The following KAZN variants were observed in gnomAD, a reference collection of about 807,000 sequenced individuals.
KAZN encodes the protein kazrin.
A neutral mutation model predicts 87.4 loss-of-function variants in KAZN; 40 were observed. The ratio of observed to expected loss-of-function variants is 0.46; its 90% CI spans 0.36 to 0.60. KAZN has a LOEUF of 0.60. KAZN is among the 20% of genes least tolerant of loss of function. The pLI is 0.00. For synonymous variants in KAZN, 466 were observed against 458.3 expected (o/e 1.02, Z -0.22); for missense variants, 898 against 1,073.9 (o/e 0.84, Z 2.29).
chr1:14,034,955 C>A (rs76694756), intron 1 of KAZN, among the ~76,000 whole-genome samples: 1 of 152,102 alleles, frequency 6.6e-6, no homozygotes, highest in Admixed American at 6.5e-5. Context: ...GAAGATTCTG[C>A]GCTCCCAGCC....
chr1:14,577,850 C>A (rs1253626783), intron 2 of KAZN, among the ~76,000 whole-genome samples: 1 of 152,154 alleles, frequency 6.6e-6, no homozygotes, highest in African/African-American at 2.4e-5. Context: ...ATGCCCATTT[C>A]ACAGATGAGA....
intron 12 of KAZN, among the ~76,000 whole-genome samples, chr1:15,103,677 A>C (rs965098243): frequency 8.6e-5 from 13 of 151,366 alleles, no homozygotes; most frequent in Admixed American, 2.6e-4. Context: ...ATTCAGGAGG[A>C]GGGAACTGCT....
chr1:15,102,081 C>A (rs1003591801), intron 11 of KAZN, among the ~76,000 whole-genome samples: 1 of 152,152 alleles, frequency 6.6e-6, no homozygotes, highest in African/African-American at 2.4e-5. Flanking sequence ...CCTTGGAGAG[C>A]TAAGTGCTTA....
intron 2 of KAZN, among the ~76,000 whole-genome samples, chr1:14,540,266 G>C (rs1335201751): frequency 2.0e-5 from 3 of 152,226 alleles, no homozygotes; most frequent in Non-Finnish European, 4.4e-5. Flanking sequence ...AAATGCCAGA[G>C]TGGTCACTTA....
At chr1:14,779,341 C>G (rs955843957) in intron 1 of KAZN, among the ~76,000 whole-genome samples, 3 of 152,184 alleles carry the variant, frequency 2.0e-5, no homozygotes, top group Non-Finnish European at 4.4e-5. Flanking sequence ...GTGGGCCCCC[C>G]GGCTTCCCTC....
At chr1:15,005,205 G>GAA (rs200736531) in intron 2 of KAZN, among the ~76,000 whole-genome samples, 40 of 150,106 alleles carry the variant, frequency 2.7e-4, no homozygotes, top group Non-Finnish European at 4.3e-4. Flanking sequence ...GTTTTATTTG[G>GAA]AAAAAAAAAC....
At chr1:14,853,974 T>C (rs751196583) in intron 1 of KAZN, among the ~76,000 whole-genome samples, 1 of 152,084 alleles carries the variant, frequency 6.6e-6, no homozygotes, top group African/African-American at 2.4e-5. Flanking sequence ...TTGGCCTGGA[T>C]TTGAATCCCA....
intron 2 of KAZN, among the ~76,000 whole-genome samples, chr1:14,226,583 C>T (rs780602667): frequency 2.0e-5 from 3 of 152,076 alleles, no homozygotes; most frequent in Non-Finnish European, 4.4e-5. Context: ...GTCATTCTAC[C>T]ATAAAGACAC....
chr1:14,162,868 T>C lies in KAZN; in HGVS notation c.92-17567T>C, dbSNP rs1268656032. Among the ~76,000 whole-genome samples the C allele has an allele frequency of 2.6e-5, 4 of 152,320 alleles. No individual in the cohort carries two copies. The East Asian group carries it at 5.8e-4, about 22-fold the overall frequency. Reference sequence around the variant, plus strand: ...CGGCTTTATCTTTATACAGTGTTTTTCCAAGAAAGCTCTGAATCTACTTTT... The same window carrying C: ...CGGCTTTATCTTTATACAGTGTTTTCCCAAGAAAGCTCTGAATCTACTTTT... On this transcript the variant is annotated intron_variant, in intron 1 of 16. Transcript: ENST00000636203.
chr1:14,164,202 G>C (rs963611987), intron 1 of KAZN, among the ~76,000 whole-genome samples: 11 of 152,132 alleles, frequency 7.2e-5, no homozygotes, highest in Non-Finnish European at 1.3e-4. Flanking sequence ...TGGAAGAGTG[G>C]CCTGGCCAAA....
intron 1 of KAZN, among the ~76,000 whole-genome samples, chr1:14,934,520 A>G (rs886491607): frequency 2.6e-5 from 4 of 152,116 alleles, no homozygotes; most frequent in Non-Finnish European, 5.9e-5. Flanking sequence ...TTTTCATAGC[A>G]TATTTGTGAC....
intron 11 of KAZN, among the ~76,000 whole-genome samples, chr1:15,102,198 T>A (rs1168301980): frequency 6.6e-6 from 1 of 151,962 alleles, no homozygotes. Flanking sequence ...ACCTACTATG[T>A]ATACCCACAA....
At chr1:14,710,806 A>AGCGAGGTCTTGGTCTATTGTATGT (rs1557906713) in intron 1 of KAZN, among the ~76,000 whole-genome samples, 3 of 152,328 alleles carry the variant, frequency 2.0e-5, no homozygotes, top group African/African-American at 7.2e-5. Flanking sequence ...GTTCTGGGAC[A>AGCGAGGTCTTGGTCTATTGTATGT]GCGAGGTCTT....
intron 2 of KAZN, among the ~76,000 whole-genome samples, chr1:14,568,748 C>A (rs755948159): frequency 6.6e-6 from 1 of 152,148 alleles, no homozygotes; most frequent in Non-Finnish European, 1.5e-5. Context: ...TGAGCTGTAC[C>A]CAGGCTTCTG....
At chr1:14,859,466 T>G (rs1650580570) in intron 1 of KAZN, among the ~76,000 whole-genome samples, 1 of 152,144 alleles carries the variant, frequency 6.6e-6, no homozygotes. Context: ...ACTATCTACA[T>G]GATTGTGTAC....
intron 1 of KAZN, among the ~76,000 whole-genome samples, chr1:14,804,518 T>G: frequency 6.6e-6 from 1 of 150,912 alleles, no homozygotes; most frequent in East Asian, 2.0e-4. Flanking sequence ...ACAGGGGAGA[T>G]CTCCCACAAA....
At chr1:14,454,908 G>C (rs931254594) in intron 2 of KAZN, among the ~76,000 whole-genome samples, 1 of 152,156 alleles carries the variant, frequency 6.6e-6, no homozygotes, top group East Asian at 1.9e-4. Context: ...GGCTCAATGG[G>C]ATGCCTCAGG....
intron 1 of KAZN, among the ~76,000 whole-genome samples, chr1:14,912,991 G>T (rs1398358512): frequency 6.6e-6 from 1 of 152,160 alleles, no homozygotes; most frequent in African/African-American, 2.4e-5. Context: ...GGTAGCTATT[G>T]TTCTTTCCTA....
At chr1:14,339,116 CAGAG>C (rs1657494137) in intron 2 of KAZN, among the ~76,000 whole-genome samples, 1 of 151,310 alleles carries the variant, frequency 6.6e-6, no homozygotes, top group Non-Finnish European at 1.5e-5. Context: ...GAGAGAGAGA[CAGAG>C]AGAAAGAGGG....
Sources: allele counts gnomAD v4.1 joint callset (sites outside exome capture counted in the v4.1 genomes callset), GRCh38; gene constraint gnomAD v4.1.1; transcripts MANE v1.5; gene names NCBI Gene and HGNC (gene_info 2026-07-23, HGNC 2026-07-21).